The following TMEM156 variants were observed in gnomAD, a reference collection of about 807,000 sequenced individuals.
TMEM156 encodes the protein transmembrane protein 156.
Under a neutral mutation model 30.5 loss-of-function variants are expected in TMEM156, and 28 were observed. That is an observed-to-expected ratio of 0.92 (90% CI 0.68 to 1.26). The LOEUF is 1.26. Among genes scored for constraint, TMEM156 ranks in the 50% most tolerant of loss-of-function variants. TMEM156 has a pLI of 0.00. For synonymous variants in TMEM156, 137 were observed against 119.9 expected, an observed-to-expected ratio of 1.14 and a Z score of -0.93; for missense variants, 351 against 340.6, an observed-to-expected ratio of 1.03 and a Z score of -0.24.
At chr4:39,019,327 G>T (rs909680840) in intron 1 of TMEM156, among the ~76,000 whole-genome samples, 1 of 152,046 alleles carries the variant, frequency 6.6e-6, no homozygotes, top group Non-Finnish European at 1.5e-5. Context: ...TTATTTAGTT[G>T]CATCTAATCT....
intron 1 of TMEM156, among the ~76,000 whole-genome samples, chr4:39,005,202 G>A (rs1289327493): frequency 6.6e-6 from 1 of 152,218 alleles, no homozygotes; most frequent in East Asian, 1.9e-4. Context: ...GGGCTCTTCT[G>A]TAATGGAGCT....
rs568840600 is a variant in TMEM156 at position 38,993,344 on chromosome 4, T to C, written c.619+394A>G. On this transcript the variant is annotated intron_variant, in intron 3 of 6. Transcript: ENST00000381938. ...TACTCAGGAGGCTGAGGTGGGAGGA[T>C]CACCTGAGCCCGGGGAAGTCAAGGC... 5.9e-5 allele frequency among the ~76,000 whole-genome samples: 9 copies of C among 152,030 alleles called. No individual in the cohort carries two copies. In the East Asian group the frequency reaches 1.8e-3, roughly 30 times the overall value.
chr4:38,989,853 G>A (rs1712292364), intron 3 of TMEM156, among the ~76,000 whole-genome samples: 1 of 152,026 alleles, frequency 6.6e-6, no homozygotes, highest in South Asian at 2.1e-4. Context: ...AGGCTGGAGT[G>A]CAATGGCGCG....
intron 1 of TMEM156, among the ~76,000 whole-genome samples, chr4:39,028,224 C>A (rs1028763549): frequency 1.3e-5 from 2 of 152,182 alleles, no homozygotes; most frequent in Admixed American, 6.5e-5. Flanking sequence ...TGCCACAAAT[C>A]ACTGGGAGTA....
chr4:38,974,207 C>CT (rs35330425), intron 5 of TMEM156, among the ~76,000 whole-genome samples: 43,187 of 134,038 alleles, frequency 0.32, 7,252 homozygotes, highest in South Asian at 0.38. Flanking sequence ...TTCTTTCTCT[C>CT]TTTTTTTTTT....
At chr4:38,989,194 T>C (rs779830622) in intron 3 of TMEM156, among the ~76,000 whole-genome samples, 2 of 152,262 alleles carry the variant, frequency 1.3e-5, no homozygotes, top group African/African-American at 2.4e-5. Flanking sequence ...CAGCTATCCA[T>C]GTAGTTCCAA....
chr4:38,992,075 A>T (rs546671158), intron 3 of TMEM156, among the ~76,000 whole-genome samples: 1 of 152,334 alleles, frequency 6.6e-6, no homozygotes, highest in Non-Finnish European at 1.5e-5. Flanking sequence ...TGCACATTAT[A>T]TATTTCTGTT....
chr4:38,975,682 T>A (rs1170129498), intron 5 of TMEM156, among the ~76,000 whole-genome samples: 1 of 152,078 alleles, frequency 6.6e-6, no homozygotes, highest in Non-Finnish European at 1.5e-5. Flanking sequence ...TGGCCTGTGA[T>A]TTTTGTCTTT....
rs115214962 is a variant in TMEM156, at chr4:38,985,702, T to C, written c.823+634A>G. ...CTGTGGTTTTCACGGTCAAGGATAT[T>C]ATTTCTCTCTGCTAAAGAAGAGGGC... On this transcript the variant is annotated intron_variant, in intron 5 of 6. Transcript: ENST00000381938. Among the ~76,000 whole-genome samples, 561 of 152,334 alleles carry C rather than the reference T, an allele frequency of 3.7e-3. 4 individuals carry two copies. The highest frequency in any genetic ancestry group is 0.013 in the African/African-American group (536 of 41,580).
At chr4:39,026,113 G>A (rs1024229003) in intron 1 of TMEM156, among the ~76,000 whole-genome samples, 1 of 152,006 alleles carries the variant, frequency 6.6e-6, no homozygotes, top group African/African-American at 2.4e-5. Context: ...GGAGAAATCA[G>A]ATAATTTTAA....
chr4:38,972,394 A>G (rs959938702), intron 5 of TMEM156, among the ~76,000 whole-genome samples: 1 of 150,908 alleles, frequency 6.6e-6, no homozygotes, highest in Non-Finnish European at 1.5e-5. Context: ...GGGATCACAG[A>G]TGTGTGCCAC....
chr4:38,997,348 G>T (rs576882536), intron 2 of TMEM156, among the ~76,000 whole-genome samples: 1 of 152,152 alleles, frequency 6.6e-6, no homozygotes, highest in Non-Finnish European at 1.5e-5. Flanking sequence ...GGTGATGGGC[G>T]CACTAGAAGC....
intron 1 of TMEM156, among the ~76,000 whole-genome samples, chr4:39,014,004 T>G (rs1714305315): frequency 6.6e-6 from 1 of 152,210 alleles, no homozygotes. Context: ...CCTTATAGGA[T>G]GAAAACAGCC....
chr4:38,978,947 T>A (rs974357767), intron 5 of TMEM156, among the ~76,000 whole-genome samples: 1 of 152,172 alleles, frequency 6.6e-6, no homozygotes, highest in Non-Finnish European at 1.5e-5. Context: ...ACACCTGGAC[T>A]GGCAAGGGAA....
At chr4:38,986,659 T>G (rs1204821733) in intron 4 of TMEM156, among the ~76,000 whole-genome samples, 2 of 150,986 alleles carry the variant, frequency 1.3e-5, no homozygotes, top group Non-Finnish European at 3.0e-5. Flanking sequence ...AATACAAAAA[T>G]TAGCTGGGCG....
chr4:38,985,129 G>A (rs1203024177), intron 5 of TMEM156, among the ~76,000 whole-genome samples: 1 of 152,130 alleles, frequency 6.6e-6, no homozygotes, highest in Non-Finnish European at 1.5e-5. Flanking sequence ...CTCATATTTG[G>A]ACACATGTAC....
intron 5 of TMEM156, among the ~76,000 whole-genome samples, chr4:38,979,572 T>C (rs1316219853): frequency 1.3e-5 from 2 of 152,246 alleles, no homozygotes; most frequent in Admixed American, 6.5e-5. Flanking sequence ...GAGCCATATA[T>C]ATTCAGCAGG....
intron 5 of TMEM156, among the ~76,000 whole-genome samples, chr4:38,979,416 AAAAT>A (rs1338511736): frequency 6.6e-6 from 1 of 152,226 alleles, no homozygotes; most frequent in Non-Finnish European, 1.5e-5. Flanking sequence ...TAAAAGGAGG[AAAAT>A]AAAGGTAAGG....
At chr4:39,018,473 G>A (rs1714647417) in intron 1 of TMEM156, among the ~76,000 whole-genome samples, 1 of 151,946 alleles carries the variant, frequency 6.6e-6, no homozygotes, top group Non-Finnish European at 1.5e-5. Flanking sequence ...CCTTCCTTCT[G>A]GGATTACATT....
Sources: gnomAD v4.1 joint callset for allele counts (sites outside exome capture counted in the v4.1 genomes callset) on GRCh38, gnomAD v4.1.1 for gene constraint, MANE v1.5 for transcripts, NCBI Gene and HGNC (gene_info 2026-07-23, HGNC 2026-07-21) for gene names.